Variants in RAD52 observed in about 807,000 individuals in gnomAD.
RAD52 encodes DNA repair protein RAD52 homolog.
Under a neutral mutation model 55.5 loss-of-function variants are expected in RAD52, and 47 were observed. The observed-to-expected ratio is 0.85, with a 90% CI of 0.67 to 1.08. The LOEUF (loss-of-function observed/expected upper bound fraction) is 1.08, where lower values mean the gene tolerates loss of function less well. Ranked by LOEUF, RAD52 falls within the 50% of genes least tolerant of loss-of-function variation. RAD52 has a pLI of 0.00. For synonymous variants in RAD52, 184 were observed against 198.9 expected, an observed-to-expected ratio of 0.92 and a Z score of 0.63; for missense variants, 468 against 522.8, an observed-to-expected ratio of 0.90 and a Z score of 1.02.
intron 9 of RAD52, among the ~76,000 whole-genome samples, chr12:915,156 CT>C (rs1251770011): frequency 2.6e-5 from 4 of 152,162 alleles, no homozygotes; most frequent in Admixed American, 6.5e-5. Context: ...CAAACAAAAT[CT>C]TCAGCCAAAA....
At chr12:977,331 G>A (rs1958947505) in intron 1 of RAD52, among the ~76,000 whole-genome samples, 1 of 152,176 alleles carries the variant, frequency 6.6e-6, no homozygotes, top group African/African-American at 2.4e-5. Flanking sequence ...TTACGTGCAT[G>A]CTCTCTTAGG....
intron 1 of RAD52, among the ~76,000 whole-genome samples, chr12:981,092 G>A (rs1215167083): frequency 2.6e-5 from 4 of 151,998 alleles, no homozygotes; most frequent in East Asian, 1.9e-4. Flanking sequence ...CATTTTGGGA[G>A]GCTGAGGTGG....
chr12:926,388 C>T (rs928954393), intron 6 of RAD52, among the ~76,000 whole-genome samples: 7 of 151,776 alleles, frequency 4.6e-5, no homozygotes, highest in African/African-American at 1.7e-4. Context: ...CCTGTGATCC[C>T]AGCTACTCGG....
In RAD52 at chr12:925,471, T is replaced by C. The variant is rs912061045; in HGVS notation, c.522A>G (p.Ser174=). The change falls in exon 7 of 12, where the codon TCA becomes TCG. Residue 174 remains serine (S), a synonymous_variant. Transcript: ENST00000358495. ...ATACCTGGCGTGGAAGCTTATTTAG[T>C]GATCTCAGGTAGTCTTTGTCCAGAA... ...NCILDKDYLR[S]LNKLPRQLPL... The C allele has an allele frequency of 2.5e-6, 4 of 1,613,872 alleles. No individual in the cohort carries two copies. The highest frequency in any genetic ancestry group is 1.1e-5 in the South Asian group (1 of 91,084).
At chr12:941,763 A>G (rs1386080597) in intron 1 of RAD52, among the ~76,000 whole-genome samples, 4 of 151,872 alleles carry the variant, frequency 2.6e-5, no homozygotes, top group Admixed American at 1.3e-4. Flanking sequence ...CAGCCTCCCA[A>G]GTAGCTGAGA....
intron 1 of RAD52, among the ~76,000 whole-genome samples, chr12:937,829 G>A (rs1022809782): frequency 6.6e-6 from 1 of 152,058 alleles, no homozygotes. Context: ...AGACTACTTT[G>A]CACCTGTTTA....
chr12:970,785 G>A (rs541898418), intron 1 of RAD52, among the ~76,000 whole-genome samples: 1 of 152,214 alleles, frequency 6.6e-6, no homozygotes, highest in African/African-American at 2.4e-5. Context: ...CAACAACCGA[G>A]CTATTTTGGG....
At chr12:950,401 C>G (rs747682825), upstream of RAD52, among the ~76,000 whole-genome samples, 1 of 151,680 alleles carries the variant, frequency 6.6e-6, no homozygotes, top group Non-Finnish European at 1.5e-5. Flanking sequence ...GAAACCCTGT[C>G]TCTACTAAAA....
intron 1 of RAD52, among the ~76,000 whole-genome samples, chr12:987,914 T>G (rs960236846): frequency 6.6e-5 from 10 of 152,172 alleles, no homozygotes; most frequent in Non-Finnish European, 1.5e-4. Flanking sequence ...TCACCCAGAC[T>G]GGGGTGCAGC....
upstream of RAD52, chr12:990,503 C>T (rs1592513004): frequency 6.6e-6 from 1 of 152,218 alleles, no homozygotes; most frequent in African/African-American, 2.4e-5. Flanking sequence ...TTTGGCACAG[C>T]GCAGGGTCGG....
intron 1 of RAD52, among the ~76,000 whole-genome samples, chr12:958,536 A>T (rs1958641341): frequency 6.6e-6 from 1 of 152,130 alleles, no homozygotes; most frequent in Non-Finnish European, 1.5e-5. Flanking sequence ...GCCTTTTATG[A>T]CCTAGCCTGA....
intron 1 of RAD52, among the ~76,000 whole-genome samples, chr12:960,122 T>C (rs1452998769): frequency 6.6e-6 from 1 of 152,136 alleles, no homozygotes; most frequent in East Asian, 1.9e-4. Context: ...AAGGGCACTT[T>C]CGAGATTTCA....
intron 7 of RAD52, among the ~76,000 whole-genome samples, chr12:922,640 T>C (rs975056052): frequency 1.3e-5 from 2 of 151,980 alleles, no homozygotes; most frequent in Admixed American, 1.3e-4. Context: ...AAAGCAAAAA[T>C]TATGTGATTC....
intron 7 of RAD52, among the ~76,000 whole-genome samples, chr12:924,578 G>A (rs1956920262): frequency 1.3e-5 from 2 of 152,148 alleles, no homozygotes; most frequent in Non-Finnish European, 2.9e-5. Flanking sequence ...GAGCGACATG[G>A]CAGGGACCTC....
chr12:941,366 T>A (rs1257617938), intron 1 of RAD52, among the ~76,000 whole-genome samples: 2 of 152,182 alleles, frequency 1.3e-5, no homozygotes, highest in African/African-American at 4.8e-5. Flanking sequence ...TTGCCCAGGC[T>A]GGAGTGCAAT....
chr12:957,756 C>G (rs973094360), intron 1 of RAD52, among the ~76,000 whole-genome samples: 2 of 152,174 alleles, frequency 1.3e-5, no homozygotes, highest in African/African-American at 4.8e-5. Context: ...CGCCACTGCA[C>G]TCCAGCCTGG....
At chr12:914,244 C>A (rs1956239312) in intron 10 of RAD52, 123 bp from the exon 11 acceptor site, 1 of 1,278,026 alleles carries the variant, frequency 7.8e-7, no homozygotes. Context: ...TTTGGAATTT[C>A]TCTCCCCTCC....
intron 1 of RAD52, among the ~76,000 whole-genome samples, chr12:934,043 A>T (rs1592389138): frequency 6.7e-6 from 1 of 150,054 alleles, no homozygotes; most frequent in Non-Finnish European, 1.5e-5. Context: ...TTGAGGCTGC[A>T]GTGAGCTATG....
chr12:916,889 C>G, intron 7 of RAD52, 69 bp from the exon 8 acceptor site: 1 of 1,544,052 alleles, frequency 6.5e-7, no homozygotes. Context: ...CCCTGACTCA[C>G]AGATTGCGAT....
Sources: allele counts gnomAD v4.1 joint callset (sites outside exome capture counted in the v4.1 genomes callset), GRCh38; gene constraint gnomAD v4.1.1; transcripts MANE v1.5; gene names NCBI Gene and HGNC (gene_info 2026-07-23, HGNC 2026-07-21).